Variants in CCT6B observed in about 807,000 individuals in gnomAD.
CCT6B encodes probable T-complex protein 1 subunit zeta-2.
Under a neutral mutation model 61.5 loss-of-function variants are expected in CCT6B, and 49 were observed. The ratio of observed to expected loss-of-function variants is 0.80; its 90% confidence interval spans 0.63 to 1.01. The LOEUF is 1.01. Ranked by LOEUF, CCT6B falls within the 50% of genes least tolerant of loss-of-function variation. CCT6B has a pLI of 0.00. For missense variants in CCT6B, 666 were observed against 634.7 expected (o/e 1.05, Z -0.53); for synonymous variants, 228 against 214.5 (o/e 1.06, Z -0.55).
rs201690671 is a variant in CCT6B at position 34,930,965 on chromosome 17, G to A, written c.1434C>T (p.Gly478=). Residue 478 remains glycine, a synonymous_variant, in exon 12 of 14, where the codon GGC becomes GGT. Coordinates refer to ENST00000314144, the MANE Select transcript of CCT6B (RefSeq NM_006584.4). ...CTTTCTTACCTGTATTCAAATCTAC[G>A]CCCACAAGTTGTTTTGACTCGACAT... is the stretch of plus-strand genomic sequence containing the variant. ...AEHVESKQLV[G]VDLNTGEPMV... is the part of the protein sequence containing the mutation. The A allele has an allele frequency of 2.5e-4, 402 of 1,591,320 alleles. No homozygotes were observed. Among genetic ancestry groups the A allele is most frequent in the Middle Eastern group, 1.2e-3 (7 of 6,016 alleles).
chr17:34,958,214 C>G (rs1567674575), intron 3 of CCT6B, among the ~76,000 whole-genome samples: 2 of 152,140 alleles, frequency 1.3e-5, no homozygotes, highest in Admixed American at 6.5e-5. Flanking sequence ...GAGGCCCAGG[C>G]AGGTGGATCA....
chr17:34,954,276 A>C, intron 4 of CCT6B, 150 bp downstream of exon 4: 1 of 595,620 alleles, frequency 1.7e-6, no homozygotes, highest in Non-Finnish European at 2.9e-6. Flanking sequence ...GTCAAATCTA[A>C]TCTACAGTTA....
intron 5 of CCT6B, among the ~76,000 whole-genome samples, chr17:34,948,017 A>G (rs372295272): frequency 1.4e-4 from 21 of 152,022 alleles, no homozygotes; most frequent in Admixed American, 9.2e-4. Context: ...CTAAGTAGAA[A>G]GTATAAAACA....
intron 10 of CCT6B, among the ~76,000 whole-genome samples, chr17:34,936,140 A>AGTTTC (rs999479138): frequency 2.4e-4 from 37 of 152,096 alleles, no homozygotes; most frequent in African/African-American, 8.7e-4. Context: ...TAGTAGAGAC[A>AGTTTC]GTTTCACCAT....
chr17:34,950,622 T>C (rs1446598218), intron 5 of CCT6B, among the ~76,000 whole-genome samples: 1 of 152,218 alleles, frequency 6.6e-6, no homozygotes, highest in Non-Finnish European at 1.5e-5. Flanking sequence ...ATTAGTCCTA[T>C]AGCCATTAAG....
chr17:34,931,522 G>C (rs1485716651), intron 11 of CCT6B, among the ~76,000 whole-genome samples: 1 of 152,086 alleles, frequency 6.6e-6, no homozygotes, highest in Non-Finnish European at 1.5e-5. Context: ...AACAGGGTTG[G>C]AGATACCTGC....
In CCT6B at chr17:34,927,990, T is replaced by TC. The variant is rs2089986830; in HGVS notation, c.*57dup. 6.6e-6 allele frequency: 8 copies of TC among 1,217,774 alleles called. No homozygotes were observed. Among genetic ancestry groups the TC allele is most frequent in the Non-Finnish European group, 9.5e-6 (8 of 839,818 alleles). 75.4% of individuals were successfully genotyped at this position (1,217,774 alleles called of 1,614,324 possible). On this transcript the variant is annotated 3_prime_UTR_variant, in exon 14 of 14. Transcript: ENST00000314144. ...AATGGCTCAGGCTACACAATAGTAG[T>TC]CAGATGTAAAGTGTACTAAATTTCA...
chr17:34,954,416 A>T lies in CCT6B; in HGVS notation c.510+10T>A. 6.3e-7 allele frequency: 1 copy of T among 1,585,536 alleles called. No individual in the cohort carries two copies. The highest frequency in any genetic ancestry group is 1.2e-5 in the South Asian group (1 of 86,044). On this transcript the variant is annotated intron_variant, in intron 4 of 13. Coordinates refer to ENST00000314144, the MANE Select transcript of CCT6B (RefSeq NM_006584.4). ...ATATTTGTTCTGAATGCAAAAGTTT[A>T]ATAACATACCTCTGTTAAGACATCA...
chr17:34,957,330 G>C (rs2090359898), intron 3 of CCT6B, among the ~76,000 whole-genome samples: 1 of 151,800 alleles, frequency 6.6e-6, no homozygotes, highest in Non-Finnish European at 1.5e-5. Flanking sequence ...TTTTAGCAGA[G>C]ACAGGGTTTC....
At chr17:34,936,522 T>C (rs887091661) in intron 10 of CCT6B, among the ~76,000 whole-genome samples, 1 of 152,286 alleles carries the variant, frequency 6.6e-6, no homozygotes, top group South Asian at 2.1e-4. Context: ...TGTAATCACT[T>C]ATATAGATAA....
chr17:34,933,008 C>T (rs2090053986), intron 10 of CCT6B, among the ~76,000 whole-genome samples: 7 of 152,168 alleles, frequency 4.6e-5, no homozygotes, highest in Admixed American at 4.6e-4. Flanking sequence ...TCTTGAACTC[C>T]TGACTTCAAG....
Position 34,942,439 on chromosome 17 carries a change from T to C in CCT6B, c.885+45A>G. On this transcript the variant is annotated intron_variant, in intron 7 of 13. Transcript: ENST00000314144. Reference sequence around the variant, plus strand: ...CCACAGACCACACTTCAAGAAATGCTTAAGAACATTTACAAATAACTAAAA... The same window carrying C: ...CCACAGACCACACTTCAAGAAATGCCTAAGAACATTTACAAATAACTAAAA... 2.0e-6 allele frequency: 3 copies of C among 1,511,272 alleles called. No individual in the cohort carries two copies. The South Asian group carries it at 3.7e-5, about 19-fold the overall frequency. The allele number at this position is 1,511,272 out of a possible 1,614,324, so 93.6% of individuals were successfully genotyped here. A position where few individuals can be genotyped will look rare whatever the true frequency, so the allele number is the denominator to read the frequency against.
chr17:34,930,991 G>T lies in CCT6B; in HGVS notation c.1408C>A (p.His470Asn). 6.2e-7 allele frequency: 1 copy of T among 1,605,888 alleles called. No homozygotes were observed. Among genetic ancestry groups the T allele is most frequent in the Non-Finnish European group, 8.5e-7 (1 of 1,174,666 alleles). Residue 470 changes from histidine (H) to asparagine (N), a missense_variant, in exon 12 of 14, where the codon CAT (histidine) becomes AAT (asparagine). Physicochemically the swap from His to Asn is moderately conservative, Grantham distance 68. Transcript: ENST00000314144. Reference sequence around the variant, plus strand: ...CCCACAAGTTGTTTTGACTCGACATGCTCAGCCTGAACTTTTACTAATGTT... The same window carrying T: ...CCCACAAGTTGTTTTGACTCGACATTCTCAGCCTGAACTTTTACTAATGTT... Reference protein sequence around the residue: ...QETLVKVQAEHVESKQLVGVD... With the variant: ...QETLVKVQAENVESKQLVGVD...
At chr17:34,928,231 T>C in intron 13 of CCT6B, 114 bp from the exon 14 acceptor site, 1 of 579,328 alleles carries the variant, frequency 1.7e-6, no homozygotes, top group East Asian at 3.0e-5. Flanking sequence ...TAGTATGATG[T>C]TTTATGAGAC....
At chr17:34,944,031 A>C (rs1452794996) in intron 5 of CCT6B, 1 of 152,120 alleles carries the variant, frequency 6.6e-6, no homozygotes, top group Admixed American at 6.5e-5. Flanking sequence ...ATATTTTTAA[A>C]CTATTTTAGT....
chr17:34,959,123 C>CTTT lies in CCT6B; in HGVS notation c.202-432_202-430dup, dbSNP rs11374610. Among the ~76,000 whole-genome samples, 158 of 102,496 alleles carry CTTT rather than the reference C, an allele frequency of 1.5e-3. 1 individual carries two copies. The highest frequency in any genetic ancestry group is 2.1e-3 in the Non-Finnish European group (116 of 55,946). The allele number at this position is 102,496 out of a possible 152,430, so 67.2% of individuals were successfully genotyped here. On this transcript the variant is annotated intron_variant, in intron 2 of 13. Coordinates refer to ENST00000314144, the MANE Select transcript of CCT6B (RefSeq NM_006584.4). ...ACTTGGAAACAGCCAAAAAAAAAAACTTTTTTTTTTTTTTTTTTTGAGACA... is the reference window on the plus strand; with the variant it reads ...ACTTGGAAACAGCCAAAAAAAAAAACTTTTTTTTTTTTTTTTTTTTTTGAGACA...
chr17:34,959,508 G>T, intron 2 of CCT6B, 79 bp downstream of exon 2: 1 of 1,022,262 alleles, frequency 9.8e-7, no homozygotes, highest in Non-Finnish European at 1.5e-6. Flanking sequence ...TCACAGCCTT[G>T]GCTTAAAGAT....
chr17:34,931,938 T>C (rs904937345), intron 11 of CCT6B, among the ~76,000 whole-genome samples: 1 of 152,156 alleles, frequency 6.6e-6, no homozygotes, highest in Non-Finnish European at 1.5e-5. Flanking sequence ...AAATGTAAGG[T>C]TGTATCTAGG....
chr17:34,932,372 G>A lies in CCT6B; in HGVS notation c.1342C>T (p.Pro448Ser), dbSNP rs780925008. The change falls in exon 11 of 14, where the codon CCC becomes TCC. Residue 448 changes from proline to serine, a missense_variant. Transcript: ENST00000314144. ...GGCCGAAAGGGTAGTTGTACCTTGGGAATAATGAGTAAGGCATCAGCAAAA... is the reference window on the plus strand; with the variant it reads ...GGCCGAAAGGGTAGTTGTACCTTGGAAATAATGAGTAAGGCATCAGCAAAA... ...QAFADALLII[P>S]KVLAQNAGYD... 3 of 1,607,334 alleles carry A rather than the reference G, an allele frequency of 1.9e-6. No individual in the cohort carries two copies. Among genetic ancestry groups the A allele is most frequent in the Non-Finnish European group, 2.5e-6 (3 of 1,177,864 alleles).
Sources: allele counts gnomAD v4.1 joint callset (sites outside exome capture counted in the v4.1 genomes callset), GRCh38; gene constraint gnomAD v4.1.1; transcripts MANE v1.5; gene names NCBI Gene and HGNC (gene_info 2026-07-23, HGNC 2026-07-21).